PTP4A1: variants seen among roughly 807,000 people sequenced by gnomAD.
PTP4A1 encodes the protein protein tyrosine phosphatase 4A1.
In PTP4A1, 9 loss-of-function variants were observed where a neutral mutation model predicts 20.5. The observed-to-expected ratio is 0.44, with a 90% CI of 0.26 to 0.77. PTP4A1 has a LOEUF of 0.77. PTP4A1 is among the 30% of genes least tolerant of loss of function. The probability of loss-of-function intolerance (pLI) is 0.19; values close to 1 mark genes in which losing one functional copy is unlikely to be tolerated. For missense variants in PTP4A1, 137 were observed against 218.8 expected (o/e 0.63, Z 2.36); for synonymous variants, 78 against 67.4 (o/e 1.16, Z -0.77).
rs200448362 is a variant in PTP4A1, at chr6:63,529,135, G to GTATA, written c.-640+1052_-640+1053insATAT. On this transcript the variant is annotated intron_variant, in intron 2 of 3. Coordinates refer to the PTP4A1 transcript ENST00000639568. The stretch of plus-strand genomic sequence containing the variant: ...TATATATATATGTATATATATGTGT[G>GTATA]TGTATATATATATGTATATATATGT... Among the ~76,000 whole-genome samples, 18 of 133,918 alleles carry GTATA rather than the reference G, an allele frequency of 1.3e-4. 1 individual carries two copies. The highest frequency in any genetic ancestry group is 4.9e-4 in the South Asian group (2 of 4,108). 87.9% of individuals were successfully genotyped at this position (133,918 alleles called of 152,430 possible).
chr6:63,521,392 A>G (rs1028565577), upstream of PTP4A1, among the ~76,000 whole-genome samples: 6 of 152,286 alleles, frequency 3.9e-5, no homozygotes, highest in Middle Eastern at 3.4e-3. Flanking sequence ...TTTCTCCCCA[A>G]TCTAATTATT....
At chr6:63,572,979 C>G (rs751134692) in intron 1 of PTP4A1, among the ~76,000 whole-genome samples, 2 of 152,126 alleles carry the variant, frequency 1.3e-5, no homozygotes, top group South Asian at 2.1e-4. Flanking sequence ...GAGTCCCTCC[C>G]GAGCCCGGAG....
rs1178827805 is a variant in PTP4A1, at chr6:63,576,801, T to G, written c.-80T>G. 10 of 1,139,490 alleles carry G rather than the reference T, an allele frequency of 8.8e-6. No homozygotes were observed. In the Admixed American group the frequency reaches 1.7e-4, roughly 20 times the overall value. 70.6% of individuals were successfully genotyped at this position (1,139,490 alleles called of 1,614,324 possible). ...CAAGTGGAGTATATTGAAGTAGACT[T>G]CAGTTTCTTTGCATCATTTCTGTAT... is the stretch of plus-strand genomic sequence containing the variant. On this transcript the variant is annotated 5_prime_UTR_variant, in exon 2 of 6. Transcript: ENST00000626021.
chr6:63,560,698 C>G (rs547435025), intron 3 of PTP4A1, among the ~76,000 whole-genome samples: 1 of 152,188 alleles, frequency 6.6e-6, no homozygotes, highest in African/African-American at 2.4e-5. Context: ...GCCACCGCAC[C>G]CAGCCACAAA....
chr6:63,530,990 A>T (rs1485084190), intron 2 of PTP4A1, among the ~76,000 whole-genome samples: 3 of 152,242 alleles, frequency 2.0e-5, no homozygotes, highest in Non-Finnish European at 4.4e-5. Context: ...ACCTAGCTTT[A>T]TAATTTCAAC....
chr6:63,529,604 G>T (rs574322931), intron 2 of PTP4A1, among the ~76,000 whole-genome samples: 283 of 152,124 alleles, frequency 1.9e-3, no homozygotes, highest in Non-Finnish European at 3.3e-3. Context: ...TTAAGAAATT[G>T]CTTTGTTTGC....
upstream of PTP4A1, among the ~76,000 whole-genome samples, chr6:63,520,573 G>A (rs530655421): frequency 6.6e-6 from 1 of 152,054 alleles, no homozygotes; most frequent in South Asian, 2.1e-4. Context: ...AGAGGTTGCA[G>A]TGAGCCAAGA....
chr6:63,580,212 G>C lies in PTP4A1; in HGVS notation c.*38G>C, dbSNP rs1778138451. On this transcript the variant is annotated 3_prime_UTR_variant, in exon 6 of 6. Transcript: ENST00000626021. Reference sequence around the variant, plus strand: ...TAATGCTACTGGAAGTGGAACTTGAGATAGGGCCTAATTTGTTATACATAT... The same window carrying C: ...TAATGCTACTGGAAGTGGAACTTGACATAGGGCCTAATTTGTTATACATAT... The C allele has an allele frequency of 1.3e-5, 19 of 1,457,066 alleles. No homozygotes were observed. The highest frequency in any genetic ancestry group is 1.8e-5 in the Non-Finnish European group (19 of 1,039,136). The allele number at this position is 1,457,066 out of a possible 1,614,324, so 90.3% of individuals were successfully genotyped here.
chr6:63,524,534 T>G (rs941275350), intron 1 of PTP4A1, among the ~76,000 whole-genome samples: 12 of 152,310 alleles, frequency 7.9e-5, no homozygotes, highest in South Asian at 2.1e-4. Flanking sequence ...AATTCCTATA[T>G]GAATTTATTG....
rs990626834 is a variant in PTP4A1 at position 63,572,814 on chromosome 6, C to T, written c.-446+95C>T. 3 of 396,572 alleles carry T rather than the reference C, an allele frequency of 7.6e-6. No homozygotes were observed. In the Admixed American group the frequency reaches 1.3e-4, roughly 18 times the overall value. 24.6% of individuals were successfully genotyped at this position (396,572 alleles called of 1,614,324 possible). On this transcript the variant is annotated intron_variant, in intron 1 of 5. Coordinates refer to ENST00000626021, the MANE Select transcript of PTP4A1 (RefSeq NM_003463.5). Reference sequence around the variant, plus strand: ...CTTTGTTCGGAGCCCGGCGTCTCCTCCAGGTTGCCCCGGGTTGCGGTTCCG... The same window carrying T: ...CTTTGTTCGGAGCCCGGCGTCTCCTTCAGGTTGCCCCGGGTTGCGGTTCCG...
chr6:63,546,617 A>C (rs536110631), intron 2 of PTP4A1, among the ~76,000 whole-genome samples: 1 of 152,180 alleles, frequency 6.6e-6, no homozygotes, highest in Admixed American at 6.5e-5. Context: ...GAGGCAGAAT[A>C]AACGCTCAAA....
chr6:63,552,946 C>T (rs990271871), intron 3 of PTP4A1, among the ~76,000 whole-genome samples: 2 of 151,642 alleles, frequency 1.3e-5, no homozygotes, highest in African/African-American at 2.4e-5. Context: ...GTTTGAAGTC[C>T]GTTCATTATT....
At chr6:63,563,284 A>G in intron 3 of PTP4A1, among the ~76,000 whole-genome samples, 1 of 152,226 alleles carries the variant, frequency 6.6e-6, no homozygotes, top group East Asian at 1.9e-4. Flanking sequence ...ACAAGGTCCT[A>G]CGTGATCCAG....
intron 3 of PTP4A1, among the ~76,000 whole-genome samples, chr6:63,563,187 C>T (rs1777039965): frequency 1.3e-5 from 2 of 152,336 alleles, no homozygotes; most frequent in Admixed American, 6.5e-5. Flanking sequence ...CTCCACAGAA[C>T]AGAAAAACAA....
chr6:63,554,660 G>A (rs1776598336), intron 3 of PTP4A1, among the ~76,000 whole-genome samples: 1 of 152,062 alleles, frequency 6.6e-6, no homozygotes, highest in South Asian at 2.1e-4. Flanking sequence ...AGACATGGTG[G>A]CATGTAGTCC....
intron 3 of PTP4A1, among the ~76,000 whole-genome samples, chr6:63,557,819 T>A (rs1308226960): frequency 6.6e-6 from 1 of 152,140 alleles, no homozygotes; most frequent in African/African-American, 2.4e-5. Context: ...AAAGTCAGTG[T>A]AGGATCATTG....
chr6:63,550,219 A>G (rs1440936869), intron 2 of PTP4A1: 3 of 152,184 alleles, frequency 2.0e-5, no homozygotes, highest in African/African-American at 7.2e-5. Flanking sequence ...AAAATGCTTC[A>G]TGAGCCCCTC....
chr6:63,533,234 T>A (rs1775551848), intron 2 of PTP4A1, among the ~76,000 whole-genome samples: 1 of 152,020 alleles, frequency 6.6e-6, no homozygotes, highest in South Asian at 2.1e-4. Context: ...ATACAAAAAT[T>A]AGCCAGATGT....
chr6:63,555,546 A>G (rs1776642329), intron 3 of PTP4A1, among the ~76,000 whole-genome samples: 2 of 152,188 alleles, frequency 1.3e-5, no homozygotes, highest in Admixed American at 1.3e-4. Flanking sequence ...TGGCACCACA[A>G]AAAATCTCTG....
Sources: allele counts gnomAD v4.1 joint callset (sites outside exome capture counted in the v4.1 genomes callset), GRCh38; gene constraint gnomAD v4.1.1; transcripts MANE v1.5; gene names NCBI Gene and HGNC (gene_info 2026-07-23, HGNC 2026-07-21).